The following SMARCAD1 variants were observed in gnomAD, a reference collection of about 807,000 sequenced individuals.
SMARCAD1 encodes SNF2 related chromatin remodeling ATPase with DExD box 1, also known as SWI/SNF-related matrix-associated actin-dependent regulator of chromatin subfamily A containing DEAD/H box 1.
A neutral mutation model predicts 127.1 loss-of-function variants in SMARCAD1; 25 were observed. The observed-to-expected ratio is 0.20, with a 90% CI of 0.14 to 0.27. The LOEUF is 0.27. Ranked by LOEUF, SMARCAD1 falls within the 10% of genes least tolerant of loss-of-function variation. The pLI is 1.00. For missense variants in SMARCAD1, 807 were observed against 1,206.0 expected (o/e 0.67, Z 4.90); for synonymous variants, 400 against 396.9 (o/e 1.01, Z -0.09).
At position 94,255,379 on chromosome 4, in the gene SMARCAD1, G is replaced by A. The variant is rs997022076; in HGVS notation, c.1281+2372G>A. 2.0e-5 allele frequency among the ~76,000 whole-genome samples: 3 copies of A among 151,856 alleles called. No individual in the cohort carries two copies. The East Asian group carries it at 5.8e-4, about 29-fold the overall frequency. On this transcript the variant is annotated intron_variant, in intron 9 of 23. Transcript: ENST00000354268. The stretch of plus-strand genomic sequence containing the variant: ...AATAGTAATTTTTGTTAAAAGTGAG[G>A]TTTCTTTAACGTTGGTGATTATTAA...
At chr4:94,208,142 G>A (rs1242127605) in intron 1 of SMARCAD1, 72 bp downstream of exon 1, 1 of 628,694 alleles carries the variant, frequency 1.6e-6, no homozygotes, top group South Asian at 1.5e-5. Context: ...GCGGACGAAG[G>A]GGAGTGAAAA....
chr4:94,219,381 G>C (rs1743721097), intron 2 of SMARCAD1, among the ~76,000 whole-genome samples: 1 of 152,076 alleles, frequency 6.6e-6, no homozygotes, highest in Non-Finnish European at 1.5e-5. Flanking sequence ...TCCCACTAGT[G>C]ATTTTTTTTG....
At chr4:94,235,535 A>AC (rs1253091409) in intron 4 of SMARCAD1, among the ~76,000 whole-genome samples, 1 of 151,570 alleles carries the variant, frequency 6.6e-6, no homozygotes, top group East Asian at 1.9e-4. Flanking sequence ...ATTTTTTTCC[A>AC]CCCAGATCAT....
At chr4:94,276,276 A>C (rs965224006) in intron 14 of SMARCAD1, 63 bp from the exon 15 acceptor site, 1 of 1,584,988 alleles carries the variant, frequency 6.3e-7, no homozygotes, top group Non-Finnish European at 8.6e-7. Context: ...AAGACATTAA[A>C]TTTCACTAGA....
At chr4:94,238,714 C>T (rs1747102567) in intron 5 of SMARCAD1, among the ~76,000 whole-genome samples, 2 of 152,170 alleles carry the variant, frequency 1.3e-5, no homozygotes, top group South Asian at 4.1e-4. Flanking sequence ...TTTGTAGCTT[C>T]CCAATACATT....
chr4:94,227,838 T>C (rs1191143075), intron 3 of SMARCAD1, among the ~76,000 whole-genome samples: 1 of 152,192 alleles, frequency 6.6e-6, no homozygotes, highest in Non-Finnish European at 1.5e-5. Flanking sequence ...GAGTATTGGT[T>C]TGCTATTTAA....
intron 3 of SMARCAD1, among the ~76,000 whole-genome samples, chr4:94,226,874 T>C (rs969821651): frequency 4.6e-5 from 7 of 151,756 alleles, no homozygotes; most frequent in African/African-American, 7.3e-5. Flanking sequence ...TTTTTTTTTT[T>C]CTTGTTTTTT....
chr4:94,283,438 C>T (rs1754382835), intron 22 of SMARCAD1, 135 bp downstream of exon 22: 4 of 771,748 alleles, frequency 5.2e-6, no homozygotes, highest in East Asian at 2.7e-5. Context: ...GTATTTTATA[C>T]CAGCAGTGTT....
rs370780856 is a variant in SMARCAD1, at chr4:94,209,776, T to C, written c.190+1192T>C. Among the ~76,000 whole-genome samples, 58 of 152,342 alleles carry C rather than the reference T, an allele frequency of 3.8e-4. 1 individual carries two copies. The South Asian group carries it at 0.011, about 29-fold the overall frequency. ...AATGCTATAGGGAACAACTGAAGGA[T>C]TTTAAGCACCAGGATTTTAATCCCT... is the stretch of plus-strand genomic sequence containing the variant. On this transcript the variant is annotated intron_variant, in intron 2 of 23. Transcript: ENST00000354268.
At chr4:94,264,576 TTAG>T (rs1751466896) in intron 9 of SMARCAD1, 128 bp from the exon 10 acceptor site, 1 of 673,268 alleles carries the variant, frequency 1.5e-6, no homozygotes, top group African/African-American at 1.8e-5. Context: ...TCAGGTTCTC[TTAG>T]TAGTTGACTA....
Position 94,231,670 on chromosome 4 carries a change from A to G in SMARCAD1, c.369-2284A>G, listed in dbSNP as rs1056947426. Among the ~76,000 whole-genome samples, 17 of 152,200 alleles carry G rather than the reference A, an allele frequency of 1.1e-4. No homozygotes were observed. In the East Asian group the frequency reaches 1.5e-3, roughly 14 times the overall value. ...TGTATCTGCCATCTATCAATGAACA[A>G]TTCTCTAATATCATTTAACTTGTAC... On this transcript the variant is annotated intron_variant, in intron 3 of 23. Coordinates refer to ENST00000354268, the MANE Select transcript of SMARCAD1 (RefSeq NM_020159.5).
intron 6 of SMARCAD1, among the ~76,000 whole-genome samples, chr4:94,246,687 C>G (rs1748475890): frequency 6.6e-6 from 1 of 152,106 alleles, no homozygotes; most frequent in Non-Finnish European, 1.5e-5. Flanking sequence ...TTGAAAATAC[C>G]CACTACCTGT....
chr4:94,289,800 G>T lies in SMARCAD1; in HGVS notation c.*266G>T. 1 of 557,016 alleles carries T rather than the reference G, an allele frequency of 1.8e-6. No homozygotes were observed. The allele number at this position is 557,016 out of a possible 1,614,324, so 34.5% of individuals were successfully genotyped here. On this transcript the variant is annotated 3_prime_UTR_variant, in exon 24 of 24. Transcript: ENST00000354268. ...AAAGCAGTTTTCTGAATGGGGATTA[G>T]TTGGTGATTGTTTGTAACAAATATG...
intron 23 of SMARCAD1, 126 bp downstream of exon 23, chr4:94,285,195 TG>T: frequency 1.6e-6 from 1 of 623,302 alleles, no homozygotes; most frequent in Non-Finnish European, 2.9e-6. Flanking sequence ...ATGTGTGATG[TG>T]GGAGAAGGTA....
At position 94,214,185 on chromosome 4, in the gene SMARCAD1, AAGAG is replaced by A. The variant is rs1233215878; in HGVS notation, c.190+5605_190+5608del. ...TAGAGATTATTCATTCAGGAAAGGA[AAGAG>A]AGAAATAGGTAACCTGATTGGGAAG... is the stretch of plus-strand genomic sequence containing the variant. On this transcript the variant is annotated intron_variant, in intron 2 of 23. Transcript: ENST00000354268. Among the ~76,000 whole-genome samples the A allele has an allele frequency of 3.9e-5, 6 of 152,254 alleles. No individual in the cohort carries two copies. The East Asian group carries it at 1.2e-3, about 29-fold the overall frequency.
chr4:94,280,672 T>C lies in SMARCAD1; in HGVS notation c.2499T>C (p.Leu833=). Residue 833 remains leucine, a synonymous_variant, in exon 20 of 24, where the codon CTT becomes CTC. Coordinates refer to ENST00000354268, the MANE Select transcript of SMARCAD1 (RefSeq NM_020159.5). ...TGACAGACTTCGAACTACATGTACT[T>C]TGTAAACAGTACCGACACATTAATA... ...EVMTDFELHV[L]CKQYRHINNF... The C allele has an allele frequency of 6.2e-7, 1 of 1,613,618 alleles. No homozygotes were observed. Among genetic ancestry groups the C allele is most frequent in the Non-Finnish European group, 8.5e-7 (1 of 1,179,646 alleles).
intron 3 of SMARCAD1, among the ~76,000 whole-genome samples, chr4:94,233,015 A>C (rs1746087773): frequency 6.6e-6 from 1 of 152,166 alleles, no homozygotes; most frequent in African/African-American, 2.4e-5. Context: ...TGTTCTTTGG[A>C]AATTTGCTTT....
rs1273335234 is a variant in SMARCAD1, at chr4:94,285,037, A to G, written c.2987A>G (p.Lys996Arg). 1.2e-6 allele frequency: 2 copies of G among 1,612,846 alleles called. No homozygotes were observed. Among genetic ancestry groups the G allele is most frequent in the Middle Eastern group, 1.6e-4 (1 of 6,076 alleles). ...CTAAAAATTAACCAACAGAAATTGA[A>G]ACTAGAACAGGATATGACTACAGTA... ...SMLKINQQKLKLEQDMTTVDE... is the reference protein window; with the variant it reads ...SMLKINQQKLRLEQDMTTVDE... The change falls in exon 23 of 24, where the codon AAA (lysine) becomes AGA (arginine). Residue 996 changes from lysine to arginine, a missense_variant. This residue lies in a region of SMARCAD1 where 36 missense variants were observed against 67.4 expected (regional missense o/e 0.53). Coordinates refer to ENST00000354268, the MANE Select transcript of SMARCAD1 (RefSeq NM_020159.5).
chr4:94,267,572 A>G (rs1751922648), intron 10 of SMARCAD1, among the ~76,000 whole-genome samples: 1 of 152,112 alleles, frequency 6.6e-6, no homozygotes, highest in Non-Finnish European at 1.5e-5. Context: ...ATTTAAACCC[A>G]ATTGAATTTT....
Sources: gnomAD v4.1 joint callset for allele counts (sites outside exome capture counted in the v4.1 genomes callset) on GRCh38, gnomAD v4.1.1 for gene constraint, gnomAD v4.1.1 regional missense constraint, MANE v1.5 for transcripts, NCBI Gene and HGNC (gene_info 2026-07-23, HGNC 2026-07-21) for gene names.